DPP6: variants seen among roughly 807,000 people sequenced by gnomAD.
DPP6 encodes A-type potassium channel modulatory protein DPP6.
In DPP6, 69 loss-of-function variants were observed where a neutral mutation model predicts 122.6. The ratio of observed to expected loss-of-function variants is 0.56; its 90% CI spans 0.46 to 0.69. The LOEUF (loss-of-function observed/expected upper bound fraction) is 0.69, where lower values mean the gene tolerates loss of function less well. Among genes scored for constraint, DPP6 ranks in the 30% least tolerant of loss-of-function variants. The pLI is 0.00. For synonymous variants in DPP6, 418 were observed against 433.1 expected, an observed-to-expected ratio of 0.97 and a Z score of 0.43; for missense variants, 928 against 1,116.9, an observed-to-expected ratio of 0.83 and a Z score of 2.41.
At chr7:154,709,242 A>G (rs757513909) in intron 7 of DPP6, among the ~76,000 whole-genome samples, 38 of 152,358 alleles carry the variant, frequency 2.5e-4, no homozygotes, top group Middle Eastern at 6.8e-3. Context: ...TCTGTGGTCC[A>G]GGCAGGAGTT....
chr7:153,984,069 C>CACAG (rs1796723614), intron 1 of DPP6, among the ~76,000 whole-genome samples: 2 of 146,846 alleles, frequency 1.4e-5, no homozygotes, highest in Admixed American at 1.3e-4. Context: ...CACACACACA[C>CACAG]ACACACACAC....
chr7:153,838,810 T>G, the DPP6 span, among the ~76,000 whole-genome samples: 1 of 152,220 alleles, frequency 6.6e-6, no homozygotes, highest in African/African-American at 2.4e-5. Flanking sequence ...GACATTTGCT[T>G]TAGCTTAAAC....
intron 1 of DPP6, among the ~76,000 whole-genome samples, chr7:154,200,162 G>A (rs1307749172): frequency 2.0e-5 from 3 of 152,216 alleles, no homozygotes; most frequent in Non-Finnish European, 4.4e-5. Flanking sequence ...GTGTAGCTTG[G>A]CTTTGGAAGG....
intron 16 of DPP6, among the ~76,000 whole-genome samples, chr7:154,840,416 C>T (rs1367104825): frequency 1.3e-5 from 2 of 152,214 alleles, no homozygotes; most frequent in Non-Finnish European, 2.9e-5. Flanking sequence ...CCAGTCTCCT[C>T]CTCACTACAG....
chr7:154,031,059 C>CCTCCCTGGCTATTACCT (rs1051880568), intron 1 of DPP6, among the ~76,000 whole-genome samples: 1 of 151,472 alleles, frequency 6.6e-6, no homozygotes, highest in African/African-American at 2.4e-5. Context: ...GTTGTCTTAT[C>CCTCCCTGGCTATTACCT]CTCCCTGGCT....
At chr7:154,548,069 C>T (rs929064669) in intron 4 of DPP6, among the ~76,000 whole-genome samples, 11 of 151,766 alleles carry the variant, frequency 7.2e-5, no homozygotes, top group African/African-American at 2.2e-4. Flanking sequence ...ATTAGTGTGG[C>T]GTGGTGGCAG....
At chr7:153,907,894 G>C (rs1195364557) in intron 1 of DPP6, among the ~76,000 whole-genome samples, 1 of 152,132 alleles carries the variant, frequency 6.6e-6, no homozygotes, top group Non-Finnish European at 1.5e-5. Context: ...TGATACACTA[G>C]GAAAGCAGAG....
At chr7:153,752,971 T>A in the DPP6 span, among the ~76,000 whole-genome samples, 1 of 152,184 alleles carries the variant, frequency 6.6e-6, no homozygotes. Context: ...TTGCATATAG[T>A]AAGCATTTAT....
chr7:154,086,510 T>C (rs1384115412), intron 1 of DPP6, among the ~76,000 whole-genome samples: 1 of 148,972 alleles, frequency 6.7e-6, no homozygotes, highest in African/African-American at 2.5e-5. Context: ...TTCTGTTCCA[T>C]CTGCTGCCCT....
intron 20 of DPP6, among the ~76,000 whole-genome samples, chr7:154,879,409 T>G: frequency 2.1e-5 from 2 of 97,032 alleles, no homozygotes; most frequent in Non-Finnish European, 1.9e-5. Context: ...TGAAACCCCG[T>G]CTCTACTAAA....
At chr7:154,731,106 T>C (rs995619298) in intron 8 of DPP6, among the ~76,000 whole-genome samples, 1 of 152,220 alleles carries the variant, frequency 6.6e-6, no homozygotes, top group African/African-American at 2.4e-5. Flanking sequence ...TGCTTCCTTT[T>C]TTAATAATGG....
intron 1 of DPP6, among the ~76,000 whole-genome samples, chr7:154,405,830 G>A (rs980717008): frequency 6.6e-6 from 1 of 152,180 alleles, no homozygotes; most frequent in African/African-American, 2.4e-5. Context: ...CCTTTTACCT[G>A]CCAAAGACAT....
At chr7:154,545,259 C>T (rs961646303) in intron 4 of DPP6, among the ~76,000 whole-genome samples, 1 of 152,104 alleles carries the variant, frequency 6.6e-6, no homozygotes, top group South Asian at 2.1e-4. Flanking sequence ...TATCAAATGG[C>T]CTTTGTTCTA....
At chr7:154,892,187 A>T in intron 25 of DPP6, 147 bp from the exon 26 acceptor site, 1 of 1,021,110 alleles carries the variant, frequency 9.8e-7, no homozygotes, top group Non-Finnish European at 1.4e-6. Context: ...TTCCATCAGG[A>T]GTGGCATGGT....
intron 1 of DPP6, among the ~76,000 whole-genome samples, chr7:154,295,133 C>G (rs1423366656): frequency 1.3e-5 from 2 of 152,220 alleles, no homozygotes; most frequent in African/African-American, 4.8e-5. Context: ...TGAAATCCAG[C>G]CACTTTGGAG....
At chr7:154,461,584 A>G (rs1221113606) in intron 2 of DPP6, among the ~76,000 whole-genome samples, 2 of 152,164 alleles carry the variant, frequency 1.3e-5, no homozygotes, top group Admixed American at 1.3e-4. Context: ...ATGGTGTCTC[A>G]TTATAGCTTT....
intron 1 of DPP6, among the ~76,000 whole-genome samples, chr7:154,098,961 C>A (rs1008279556): frequency 9.2e-5 from 14 of 152,198 alleles, no homozygotes; most frequent in Non-Finnish European, 1.8e-4. Flanking sequence ...CTCATACAGG[C>A]AGAAACTAAA....
intron 1 of DPP6, among the ~76,000 whole-genome samples, chr7:154,214,174 A>G (rs1284720007): frequency 6.6e-6 from 1 of 152,254 alleles, no homozygotes; most frequent in Non-Finnish European, 1.5e-5. Context: ...CACACAGTTC[A>G]GATATGTGTT....
chr7:154,861,908 G>C (rs971514997), intron 17 of DPP6, among the ~76,000 whole-genome samples: 26 of 152,166 alleles, frequency 1.7e-4, no homozygotes, highest in African/African-American at 6.3e-4. Context: ...GAGGAGTCTT[G>C]TTATAGCAGT....
Sources: gnomAD v4.1 joint callset for allele counts (sites outside exome capture counted in the v4.1 genomes callset) on GRCh38, gnomAD v4.1.1 for gene constraint, MANE v1.5 for transcripts, NCBI Gene and HGNC (gene_info 2026-07-23, HGNC 2026-07-21) for gene names.